Variants in LDB2 observed in about 807,000 individuals in gnomAD.
LDB2 encodes the protein LIM domain-binding protein 2.
LDB2 carries 12 observed loss-of-function variants against 44.3 expected under a neutral mutation model. The ratio of observed to expected loss-of-function variants is 0.27; its 90% CI spans 0.17 to 0.44. The LOEUF (loss-of-function observed/expected upper bound fraction) is 0.44. LDB2 is among the 20% of genes least tolerant of loss of function. The probability of loss-of-function intolerance (pLI) is 1.00; values close to 1 mark genes in which losing one functional copy is unlikely to be tolerated. For synonymous variants in LDB2, 164 were observed against 174.8 expected, an observed-to-expected ratio of 0.94 and a Z score of 0.49; for missense variants, 344 against 473.5, an observed-to-expected ratio of 0.73 and a Z score of 2.54.
intron 2 of LDB2, among the ~76,000 whole-genome samples, chr4:16,636,520 A>G (rs1560713247): frequency 6.6e-6 from 1 of 152,188 alleles, no homozygotes; most frequent in Non-Finnish European, 1.5e-5. Flanking sequence ...AGATAAGTTG[A>G]TCCCTAGACA....
intron 5 of LDB2, among the ~76,000 whole-genome samples, chr4:16,544,428 G>C (rs28611319): frequency 0.24 from 35,770 of 152,084 alleles, 5,079 homozygotes; most frequent in African/African-American, 0.38. Flanking sequence ...GGATTTCACT[G>C]TGAGATGACA....
rs548569218 is a variant in LDB2 at position 16,737,285 on chromosome 4, G to A, written c.235+21873C>T. On this transcript the variant is annotated intron_variant, in intron 2 of 7. Coordinates refer to ENST00000304523, the MANE Select transcript of LDB2 (RefSeq NM_001290.5). ...GCTCTATCGCCCGGGCTGAAGTGCC[G>A]TGGTGTGATCATAGCTCACTGCAGC... 2.5e-4 allele frequency among the ~76,000 whole-genome samples: 38 copies of A among 151,972 alleles called. No individual in the cohort carries two copies. In the East Asian group the frequency reaches 5.2e-3, roughly 21 times the overall value.
At chr4:16,604,451 T>C (rs972386758) in intron 2 of LDB2, among the ~76,000 whole-genome samples, 1 of 150,810 alleles carries the variant, frequency 6.6e-6, no homozygotes, top group Non-Finnish European at 1.5e-5. Flanking sequence ...GTTCTAACCA[T>C]TGCAATAACA....
chr4:16,557,784 G>C (rs1473707957), intron 5 of LDB2, among the ~76,000 whole-genome samples: 3 of 152,186 alleles, frequency 2.0e-5, no homozygotes, highest in African/African-American at 7.2e-5. Flanking sequence ...CCTGACCCCT[G>C]ACCCCTGAGC....
intron 2 of LDB2, among the ~76,000 whole-genome samples, chr4:16,676,414 A>T (rs900039580): frequency 6.6e-6 from 1 of 152,232 alleles, no homozygotes; most frequent in Non-Finnish European, 1.5e-5. Flanking sequence ...GCTCTGAGGT[A>T]TCTTAAGGGG....
chr4:16,626,078 T>C (rs1050721105), intron 2 of LDB2, among the ~76,000 whole-genome samples: 6 of 152,190 alleles, frequency 3.9e-5, no homozygotes, highest in African/African-American at 1.2e-4. Context: ...GCTTTGTGCA[T>C]TATCTTATTC....
chr4:16,520,157 T>A (rs1199251967), intron 5 of LDB2, among the ~76,000 whole-genome samples: 10 of 151,918 alleles, frequency 6.6e-5, no homozygotes, highest in Non-Finnish European at 1.5e-4. Context: ...CCGCCAGTAA[T>A]TTACTCCTCT....
At chr4:16,509,851 C>CATGGCA (rs758242429) in intron 6 of LDB2, among the ~76,000 whole-genome samples, 6 of 152,090 alleles carry the variant, frequency 3.9e-5, no homozygotes, top group Non-Finnish European at 7.4e-5. Flanking sequence ...TGCCATGGCT[C>CATGGCA]ATGGCAATAA....
intron 2 of LDB2, among the ~76,000 whole-genome samples, chr4:16,727,880 T>C (rs947219441): frequency 1.3e-5 from 2 of 152,170 alleles, no homozygotes; most frequent in African/African-American, 4.8e-5. Flanking sequence ...GGAGCATGGG[T>C]CATTATCTAG....
chr4:16,759,632 C>T (rs1442844026), intron 1 of LDB2, among the ~76,000 whole-genome samples: 2 of 152,000 alleles, frequency 1.3e-5, no homozygotes, highest in Non-Finnish European at 2.9e-5. Context: ...TTTAAGAGTT[C>T]ATTTTTATAA....
intron 2 of LDB2, among the ~76,000 whole-genome samples, chr4:16,713,699 G>T (rs962106191): frequency 2.6e-5 from 4 of 152,188 alleles, no homozygotes; most frequent in African/African-American, 9.7e-5. Context: ...GCACACAGTA[G>T]AAGCCATTTC....
At chr4:16,876,562 A>T (rs1390167934) in intron 1 of LDB2, among the ~76,000 whole-genome samples, 1 of 152,194 alleles carries the variant, frequency 6.6e-6, no homozygotes, top group Non-Finnish European at 1.5e-5. Flanking sequence ...TACTGTTGCT[A>T]TAGAAACCTT....
chr4:16,744,751 C>T (rs1016883442), intron 2 of LDB2, among the ~76,000 whole-genome samples: 3 of 152,190 alleles, frequency 2.0e-5, no homozygotes, highest in Admixed American at 1.3e-4. Context: ...GCTGGGATTA[C>T]AGGCCTGAGA....
intron 2 of LDB2, among the ~76,000 whole-genome samples, chr4:16,650,741 A>T (rs1424549339): frequency 6.6e-6 from 1 of 152,214 alleles, no homozygotes; most frequent in Non-Finnish European, 1.5e-5. Flanking sequence ...GCCATCTCAA[A>T]TGAGGCTCCT....
Position 16,609,144 on chromosome 4 carries a change from G to C in LDB2, c.236-13269C>G, listed in dbSNP as rs1315785449. Among the ~76,000 whole-genome samples, 8 of 152,132 alleles carry C rather than the reference G, an allele frequency of 5.3e-5. No individual in the cohort carries two copies. In the East Asian group the frequency reaches 1.5e-3, roughly 29 times the overall value. On this transcript the variant is annotated intron_variant, in intron 2 of 7. Transcript: ENST00000304523. ...CAGTGGCCTACCTGAGGGCCACACAGGGAAGGGGAACCACCTCCTCCCAGC... is the reference window on the plus strand; with the variant it reads ...CAGTGGCCTACCTGAGGGCCACACACGGAAGGGGAACCACCTCCTCCCAGC...
At chr4:16,841,191 A>C (rs1297432913) in intron 1 of LDB2, among the ~76,000 whole-genome samples, 1 of 152,172 alleles carries the variant, frequency 6.6e-6, no homozygotes, top group Non-Finnish European at 1.5e-5. Flanking sequence ...TTTAAAATTC[A>C]GGGCAGGCAT....
At chr4:16,849,361 T>G (rs1355256488) in intron 1 of LDB2, among the ~76,000 whole-genome samples, 2 of 152,254 alleles carry the variant, frequency 1.3e-5, no homozygotes, top group Non-Finnish European at 2.9e-5. Flanking sequence ...CTTTTAAAAA[T>G]TGATTTCTTC....
chr4:16,592,719 A>G (rs1719572968), intron 3 of LDB2, among the ~76,000 whole-genome samples: 1 of 151,954 alleles, frequency 6.6e-6, no homozygotes, highest in Non-Finnish European at 1.5e-5. Context: ...AATTCATAGT[A>G]AACAATTGAG....
At chr4:16,740,811 A>G (rs1485236881) in intron 2 of LDB2, among the ~76,000 whole-genome samples, 1 of 152,238 alleles carries the variant, frequency 6.6e-6, no homozygotes, top group Non-Finnish European at 1.5e-5. Context: ...TTTCAGCCCT[A>G]ATAATTACTT....
Sources: allele counts gnomAD v4.1 joint callset (sites outside exome capture counted in the v4.1 genomes callset), GRCh38; gene constraint gnomAD v4.1.1; transcripts MANE v1.5; gene names NCBI Gene and HGNC (gene_info 2026-07-23, HGNC 2026-07-21).